Variants in DNAH7 observed in about 807,000 individuals in gnomAD.
DNAH7 encodes the protein axonemal beta dynein heavy chain 7.
A neutral mutation model predicts 444.6 loss-of-function variants in DNAH7; 397 were observed. The observed-to-expected ratio is 0.89, with a 90% CI of 0.82 to 0.97. The LOEUF (loss-of-function observed/expected upper bound fraction) is 0.97, where lower values mean the gene tolerates loss of function less well. Ranked by LOEUF, DNAH7 falls within the 50% of genes least tolerant of loss-of-function variation. The pLI is 0.00. For missense variants in DNAH7, 4,902 were observed against 4,800.8 expected (o/e 1.02, Z -0.62); for synonymous variants, 1,636 against 1,624.4 (o/e 1.01, Z -0.17).
At chr2:195,883,396 C>T (rs1701523394) in intron 35 of DNAH7, among the ~76,000 whole-genome samples, 1 of 151,390 alleles carries the variant, frequency 6.6e-6, no homozygotes, top group Non-Finnish European at 1.5e-5. Context: ...TGCAGTGAGC[C>T]GAGATCGTGC....
intron 58 of DNAH7, among the ~76,000 whole-genome samples, chr2:195,783,942 G>A (rs1346497303): frequency 2.6e-5 from 4 of 151,390 alleles, no homozygotes; most frequent in African/African-American, 9.7e-5. Context: ...TATTTTTAAA[G>A]AACAGTTTTA....
At chr2:195,764,886 C>T (rs986614986) in intron 61 of DNAH7, among the ~76,000 whole-genome samples, 5 of 146,224 alleles carry the variant, frequency 3.4e-5, no homozygotes, top group South Asian at 2.1e-4. Flanking sequence ...AAAAAAAAAA[C>T]GCTAAAACTT....
chr2:195,961,807 G>GA (rs151008128), intron 17 of DNAH7, among the ~76,000 whole-genome samples: 2,725 of 151,866 alleles, frequency 0.018, 75 homozygotes, highest in African/African-American at 0.062. Flanking sequence ...GTGGAAAATA[G>GA]AAAAAAAGTA....
chr2:195,920,347 C>T (rs551329101), intron 24 of DNAH7, among the ~76,000 whole-genome samples: 1 of 152,214 alleles, frequency 6.6e-6, no homozygotes, highest in African/African-American at 2.4e-5. Context: ...CAGCATGGTA[C>T]TAGTATAAAA....
At chr2:195,773,334 T>C (rs889453760) in intron 60 of DNAH7, among the ~76,000 whole-genome samples, 6 of 152,066 alleles carry the variant, frequency 3.9e-5, no homozygotes, top group African/African-American at 1.4e-4. Context: ...GAATCTATGC[T>C]GATTTCCAGT....
At chr2:195,886,743 C>T (rs538539493) in intron 33 of DNAH7, among the ~76,000 whole-genome samples, 1 of 152,214 alleles carries the variant, frequency 6.6e-6, no homozygotes, top group African/African-American at 2.4e-5. Flanking sequence ...CTGAACTTGT[C>T]GTGCACTTTA....
At chr2:195,810,162 ACTGTTT>A (rs1696896934) in intron 51 of DNAH7, among the ~76,000 whole-genome samples, 3 of 152,094 alleles carry the variant, frequency 2.0e-5, no homozygotes, top group Non-Finnish European at 4.4e-5. Context: ...AAGTTTACAG[ACTGTTT>A]TTATCTACAA....
chr2:195,796,213 T>C (rs909974929), intron 56 of DNAH7, among the ~76,000 whole-genome samples: 1 of 152,204 alleles, frequency 6.6e-6, no homozygotes, highest in African/African-American at 2.4e-5. Flanking sequence ...AGTGGCCACA[T>C]GAATTTCACC....
At position 195,845,161 on chromosome 2, in the gene DNAH7, T is replaced by A; in HGVS notation, c.8786A>T (p.Gln2929Leu). The A allele has an allele frequency of 1.2e-6, 2 of 1,606,914 alleles. No homozygotes were observed. The highest frequency in any genetic ancestry group is 8.5e-7 in the Non-Finnish European group (1 of 1,177,420). Reference protein sequence around the residue: ...GAFTSTYRQNQTKEWTTLCKG... With the variant: ...GAFTSTYRQNLTKEWTTLCKG... ...GCACAAAGTTGTCCACTCTTTAGTT[T>A]GATTCTTTAGAACATCCACAGAAAG... The change falls in exon 47 of 65, where the codon CAA becomes CTA. Residue 2929 changes from glutamine (Q) to leucine (L), a missense_variant. Coordinates refer to ENST00000312428, the MANE Select transcript of DNAH7 (RefSeq NM_018897.3).
chr2:195,807,245 C>T (rs1279610696), intron 53 of DNAH7, among the ~76,000 whole-genome samples: 1 of 152,000 alleles, frequency 6.6e-6, no homozygotes, highest in African/African-American at 2.4e-5. Context: ...CAACCTCTGC[C>T]TCCTGGGTTC....
chr2:196,042,280 A>T (rs566265609), intron 5 of DNAH7, among the ~76,000 whole-genome samples: 3 of 152,182 alleles, frequency 2.0e-5, no homozygotes, highest in African/African-American at 7.2e-5. Context: ...TATATCAAAG[A>T]GTTATCTGCA....
At position 195,990,948 on chromosome 2, in the gene DNAH7, TATATATACTTAAATATATATAC is replaced by T. The variant is rs1319023506; in HGVS notation, c.1354-2741_1354-2720del. On this transcript the variant is annotated intron_variant, in intron 12 of 64. Transcript: ENST00000312428. ...ATATATATACTTAAATATATATACA[TATATATACTTAAATATATATAC>T]ATATATATATATATATGCTTAAGTG... 5.3e-3 allele frequency among the ~76,000 whole-genome samples: 765 copies of T among 145,118 alleles called. 2 individuals are homozygous for T. The highest frequency in any genetic ancestry group is 0.018 in the African/African-American group (717 of 39,324).
chr2:195,973,612 A>G (rs565514661), intron 15 of DNAH7, among the ~76,000 whole-genome samples: 1 of 151,950 alleles, frequency 6.6e-6, no homozygotes, highest in Admixed American at 6.5e-5. Flanking sequence ...GCTGGGATTC[A>G]GGCATGTGCT....
At chr2:195,905,362 T>C (rs1686948968) in intron 27 of DNAH7, 1 of 152,216 alleles carries the variant, frequency 6.6e-6, no homozygotes, top group Non-Finnish European at 1.5e-5. Context: ...ATTTACCATT[T>C]TTCATTTGTT....
chr2:195,798,744 C>T (rs919095012), intron 55 of DNAH7, among the ~76,000 whole-genome samples: 4 of 151,980 alleles, frequency 2.6e-5, no homozygotes, highest in Admixed American at 1.3e-4. Flanking sequence ...GACGGGGTTT[C>T]ACCGTGTTGG....
chr2:196,020,701 C>T (rs1695328770), intron 8 of DNAH7, among the ~76,000 whole-genome samples: 1 of 151,474 alleles, frequency 6.6e-6, no homozygotes, highest in Non-Finnish European at 1.5e-5. Flanking sequence ...GCCTCCACCT[C>T]CTGGGTTCAA....
intron 20 of DNAH7, among the ~76,000 whole-genome samples, chr2:195,935,559 C>A (rs879407826): frequency 6.6e-6 from 1 of 152,044 alleles, no homozygotes; most frequent in Admixed American, 6.6e-5. Flanking sequence ...AAAAAACAGT[C>A]AAAAAATCTC....
intron 51 of DNAH7, 49 bp from the exon 52 acceptor site, chr2:195,809,920 G>T (rs1363917398): frequency 7.2e-7 from 1 of 1,379,998 alleles, no homozygotes; most frequent in African/African-American, 1.5e-5. Context: ...ATACTTTAAA[G>T]ATAATGCTCT....
chr2:196,045,184 GAGGAGAAGGAGGAGGAAA>G (rs1559365376), intron 5 of DNAH7, among the ~76,000 whole-genome samples: 1 of 147,538 alleles, frequency 6.8e-6, no homozygotes, highest in Non-Finnish European at 1.5e-5. Flanking sequence ...AGGAAGAGAA[GAGGAGAAGGAGGAGGAAA>G]AGGAGGAGGA....
Sources: gnomAD v4.1 joint callset for allele counts (sites outside exome capture counted in the v4.1 genomes callset) on GRCh38, gnomAD v4.1.1 for gene constraint, MANE v1.5 for transcripts, NCBI Gene and HGNC (gene_info 2026-07-23, HGNC 2026-07-21) for gene names.